DCAF6: variants seen among roughly 807,000 people sequenced by gnomAD.
The protein encoded by DCAF6 is DDB1 and CUL4 associated factor 6.
Under a neutral mutation model 125.1 loss-of-function variants are expected in DCAF6, and 54 were observed. The observed-to-expected ratio is 0.43, with a 90% CI of 0.35 to 0.54. The LOEUF (loss-of-function observed/expected upper bound fraction) is 0.54, where lower values mean the gene tolerates loss of function less well. Among genes scored for constraint, DCAF6 ranks in the 20% least tolerant of loss-of-function variants. DCAF6 has a pLI of 0.01. For synonymous variants in DCAF6, 371 were observed against 390.4 expected, an observed-to-expected ratio of 0.95 and a Z score of 0.58; for missense variants, 934 against 1,161.7, an observed-to-expected ratio of 0.80 and a Z score of 2.85.
the DCAF6 span, among the ~76,000 whole-genome samples, chr1:167,885,002 T>A: frequency 6.6e-6 from 1 of 152,142 alleles, no homozygotes; most frequent in Non-Finnish European, 1.5e-5. Flanking sequence ...AGCCCAATAG[T>A]TTTAATTTTT....
At chr1:168,064,674 T>C (rs950174949) in intron 18 of DCAF6, among the ~76,000 whole-genome samples, 45 of 152,152 alleles carry the variant, frequency 3.0e-4, no homozygotes, top group African/African-American at 1.1e-3. Context: ...TGAAAATAAT[T>C]AGAGGAAGGA....
At chr1:168,002,428 T>G in intron 7 of DCAF6, 54 bp from the exon 8 acceptor site, 25 of 1,444,630 alleles carry the variant, frequency 1.7e-5, no homozygotes, top group Non-Finnish European at 2.4e-5. Context: ...CTTTAAGAGT[T>G]GAGAGTAGAT....
chr1:168,025,894 T>A (rs1266145634), intron 12 of DCAF6, among the ~76,000 whole-genome samples: 1 of 152,194 alleles, frequency 6.6e-6, no homozygotes, highest in Non-Finnish European at 1.5e-5. Context: ...ATGACTTGAT[T>A]TCTGTATCTC....
chr1:168,030,530 A>G (rs377364957), intron 12 of DCAF6, among the ~76,000 whole-genome samples: 47 of 152,352 alleles, frequency 3.1e-4, no homozygotes, highest in African/African-American at 1.1e-3. Flanking sequence ...AGACTGAATC[A>G]CTTACGAAGT....
At chr1:168,000,643 T>C (rs558125465) in intron 7 of DCAF6, among the ~76,000 whole-genome samples, 1 of 152,230 alleles carries the variant, frequency 6.6e-6, no homozygotes, top group African/African-American at 2.4e-5. Context: ...CAGAATAGGG[T>C]ATCTTGCTAA....
intron 10 of DCAF6, among the ~76,000 whole-genome samples, chr1:168,010,686 A>G (rs1479583070): frequency 6.6e-6 from 1 of 152,140 alleles, no homozygotes; most frequent in Non-Finnish European, 1.5e-5. Context: ...AGATACGACC[A>G]TGAGCTAAAA....
upstream of DCAF6, chr1:167,936,611 A>G: frequency 2.8e-6 from 1 of 352,980 alleles, no homozygotes; most frequent in Non-Finnish European, 5.2e-6. Flanking sequence ...GAGAGGGAGG[A>G]GTCGCCATCG....
chr1:167,985,493 T>TCTCTGA (rs1679872947), intron 4 of DCAF6, among the ~76,000 whole-genome samples: 1 of 152,106 alleles, frequency 6.6e-6, no homozygotes, highest in Middle Eastern at 3.2e-3. Flanking sequence ...CTTGTCTCCT[T>TCTCTGA]CTCTGACTCT....
intron 4 of DCAF6, among the ~76,000 whole-genome samples, chr1:167,976,870 G>A (rs1678270585): frequency 1.5e-5 from 2 of 136,002 alleles, no homozygotes; most frequent in South Asian, 4.9e-4. Context: ...TTGTACTGAA[G>A]GTACATCCTT....
intron 12 of DCAF6, among the ~76,000 whole-genome samples, chr1:168,035,388 A>G (rs1572035113): frequency 6.6e-6 from 1 of 152,308 alleles, no homozygotes; most frequent in South Asian, 2.1e-4. Context: ...TTGAGGATGC[A>G]GCGAGCCATG....
chr1:167,863,740 C>G, the DCAF6 span, among the ~76,000 whole-genome samples: 1 of 152,244 alleles, frequency 6.6e-6, no homozygotes, highest in Non-Finnish European at 1.5e-5. Context: ...GGTGGGACAC[C>G]TCGCCAGAGC....
At chr1:168,049,435 T>TGTTG (rs1411485623) in intron 16 of DCAF6, among the ~76,000 whole-genome samples, 3 of 133,772 alleles carry the variant, frequency 2.2e-5, no homozygotes, top group Admixed American at 7.1e-5. Flanking sequence ...GTTGTTGTTT[T>TGTTG]TTTTTTTTTT....
At chr1:168,038,737 C>T (rs1156339831) in intron 13 of DCAF6, among the ~76,000 whole-genome samples, 1 of 152,016 alleles carries the variant, frequency 6.6e-6, no homozygotes, top group African/African-American at 2.4e-5. Flanking sequence ...GATGCCGGTG[C>T]TGCTCATCCT....
chr1:168,064,662 C>T (rs551977186), intron 18 of DCAF6, among the ~76,000 whole-genome samples: 2 of 152,146 alleles, frequency 1.3e-5, no homozygotes, highest in South Asian at 4.1e-4. Context: ...TAAAAGTTAG[C>T]ATGAAAATAA....
chr1:167,966,165 G>T (rs1676387488), intron 2 of DCAF6, among the ~76,000 whole-genome samples: 1 of 152,132 alleles, frequency 6.6e-6, no homozygotes, highest in Admixed American at 6.5e-5. Flanking sequence ...ATCAGTTATT[G>T]ATTTTACAGT....
chr1:167,944,815 T>C (rs1672811344), intron 1 of DCAF6, among the ~76,000 whole-genome samples: 1 of 152,186 alleles, frequency 6.6e-6, no homozygotes, highest in African/African-American at 2.4e-5. Context: ...TTTAATTGAG[T>C]CCCATTTGTC....
intron 12 of DCAF6, among the ~76,000 whole-genome samples, chr1:168,032,647 TTAGAATATCATTATA>T (rs1446914710): frequency 6.6e-6 from 1 of 152,212 alleles, no homozygotes; most frequent in Non-Finnish European, 1.5e-5. Flanking sequence ...GAAGTGGGAA[TTAGAATATCATTATA>T]TAATCATACA....
intron 3 of DCAF6, chr1:167,968,509 T>G (rs1030773901): frequency 1.3e-5 from 2 of 152,258 alleles, no homozygotes; most frequent in Non-Finnish European, 2.9e-5. Context: ...AGAAATACTT[T>G]TTAAGGAGAG....
the DCAF6 span, among the ~76,000 whole-genome samples, chr1:167,864,469 G>A: frequency 1.3e-5 from 2 of 152,080 alleles, no homozygotes; most frequent in African/African-American, 4.8e-5. Context: ...GTAAGCCAAG[G>A]CACACAGACC....
Sources: allele counts gnomAD v4.1 joint callset (sites outside exome capture counted in the v4.1 genomes callset), GRCh38; gene constraint gnomAD v4.1.1; transcripts MANE v1.5; gene names NCBI Gene and HGNC (gene_info 2026-07-23, HGNC 2026-07-21).